UGP2: variants seen among roughly 807,000 people sequenced by gnomAD.
UGP2 encodes UTP--glucose-1-phosphate uridylyltransferase.
A neutral mutation model predicts 49.0 loss-of-function variants in UGP2; 40 were observed. The ratio of observed to expected loss-of-function variants is 0.82; its 90% CI spans 0.63 to 1.06. The LOEUF (loss-of-function observed/expected upper bound fraction) is 1.06, where lower values mean the gene tolerates loss of function less well. Ranked by LOEUF, UGP2 falls within the 50% of genes least tolerant of loss-of-function variation. The pLI, the probability that UGP2 is intolerant of heterozygous loss-of-function variation, is 0.00. For missense variants in UGP2, 460 were observed against 603.5 expected, an observed-to-expected ratio of 0.76 and a Z score of 2.49; for synonymous variants, 225 against 213.0, an observed-to-expected ratio of 1.06 and a Z score of -0.49.
chr2:63,874,185 A>G (rs1454245363), intron 3 of UGP2, among the ~76,000 whole-genome samples: 1 of 152,202 alleles, frequency 6.6e-6, no homozygotes, highest in Non-Finnish European at 1.5e-5. Flanking sequence ...GGGGAAAAAA[A>G]TGATGTTGGG....
In UGP2 at chr2:63,891,279, A is replaced by G; in HGVS notation, c.*52A>G. ...TAATGGGCTAGTTTCTTACAATGAA[A>G]TGTTCTCTAGGATTCTAAAATAGGC... On this transcript the variant is annotated 3_prime_UTR_variant, in exon 10 of 10. Coordinates refer to ENST00000337130, the MANE Select transcript of UGP2 (RefSeq NM_006759.4). 6.7e-7 allele frequency: 1 copy of G among 1,483,724 alleles called. No homozygotes were observed. The highest frequency in any genetic ancestry group is 9.4e-7 in the Non-Finnish European group (1 of 1,065,820). The allele number at this position is 1,483,724 out of a possible 1,614,324, so 91.9% of individuals were successfully genotyped here.
chr2:63,858,066 T>C, intron 3 of UGP2, 130 bp downstream of exon 3: 1 of 780,382 alleles, frequency 1.3e-6, no homozygotes, highest in South Asian at 1.7e-5. Flanking sequence ...TTGAATTCTC[T>C]GACCCCTCAT....
At chr2:63,859,414 A>G (rs1009351526) in intron 3 of UGP2, among the ~76,000 whole-genome samples, 4 of 152,140 alleles carry the variant, frequency 2.6e-5, no homozygotes, top group African/African-American at 7.2e-5. Flanking sequence ...ATTATGTTCA[A>G]TATATTTTAG....
At chr2:63,873,340 G>A (rs1159698196) in intron 3 of UGP2, among the ~76,000 whole-genome samples, 1 of 152,168 alleles carries the variant, frequency 6.6e-6, no homozygotes, top group Non-Finnish European at 1.5e-5. Context: ...AACTTAGTTT[G>A]GAGAGAGGTA....
intron 3 of UGP2, among the ~76,000 whole-genome samples, chr2:63,863,565 G>A (rs1669990372): frequency 6.6e-6 from 1 of 152,154 alleles, no homozygotes; most frequent in Non-Finnish European, 1.5e-5. Flanking sequence ...TAACACATGA[G>A]CATTGAATAA....
intron 3 of UGP2, among the ~76,000 whole-genome samples, chr2:63,873,012 AG>A (rs1670662848): frequency 6.6e-6 from 1 of 152,204 alleles, no homozygotes; most frequent in South Asian, 2.1e-4. Flanking sequence ...CCTTACATCC[AG>A]GATGGTGCAA....
At chr2:63,856,209 T>G (rs1669405809) in intron 1 of UGP2, 97 bp from the exon 2 acceptor site, 8 of 1,479,558 alleles carry the variant, frequency 5.4e-6, no homozygotes, top group Non-Finnish European at 7.2e-6. Context: ...ATTGAGCCCT[T>G]TTCATTTGCT....
chr2:63,856,211 T>C, intron 1 of UGP2, 95 bp from the exon 2 acceptor site: 1 of 1,484,814 alleles, frequency 6.7e-7, no homozygotes, highest in Non-Finnish European at 9.0e-7. Context: ...TGAGCCCTTT[T>C]CATTTGCTGA....
intron 3 of UGP2, among the ~76,000 whole-genome samples, chr2:63,866,505 G>A (rs1284728367): frequency 1.3e-5 from 2 of 152,120 alleles, no homozygotes; most frequent in East Asian, 3.9e-4. Flanking sequence ...AAGGATAAGA[G>A]GTAATGTTAG....
intron 1 of UGP2, among the ~76,000 whole-genome samples, chr2:63,846,712 A>G (rs1434971489): frequency 6.6e-6 from 1 of 152,204 alleles, no homozygotes; most frequent in African/African-American, 2.4e-5. Context: ...GAATACAGAG[A>G]TGAGAAGCAT....
intron 3 of UGP2, among the ~76,000 whole-genome samples, chr2:63,863,732 C>G (rs1387432457): frequency 3.3e-5 from 5 of 152,108 alleles, no homozygotes; most frequent in East Asian, 3.9e-4. Context: ...AAAATTCCCA[C>G]TGAGTCAAAG....
chr2:63,846,261 G>A (rs1247352839), intron 1 of UGP2: 1 of 152,154 alleles, frequency 6.6e-6, no homozygotes, highest in African/African-American at 2.4e-5. Context: ...ATCAGCAGCT[G>A]TGGGTTTTTG....
chr2:63,880,614 T>C (rs536601572), intron 3 of UGP2, among the ~76,000 whole-genome samples: 1 of 152,340 alleles, frequency 6.6e-6, no homozygotes, highest in South Asian at 2.1e-4. Flanking sequence ...TAAGCAATAT[T>C]ACCAGTTTCT....
chr2:63,863,325 CCA>C (rs1441764487), intron 3 of UGP2, among the ~76,000 whole-genome samples: 1 of 152,122 alleles, frequency 6.6e-6, no homozygotes, highest in Non-Finnish European at 1.5e-5. Context: ...CCATCTGTAA[CCA>C]CAGTGTTTTA....
At chr2:63,883,218 A>G (rs1454144379) in intron 4 of UGP2, 1 of 152,222 alleles carries the variant, frequency 6.6e-6, no homozygotes, top group Non-Finnish European at 1.5e-5. Context: ...TCCACCAAGT[A>G]TTATTCTGAG....
At chr2:63,868,370 C>T (rs1031659951) in intron 3 of UGP2, among the ~76,000 whole-genome samples, 1 of 152,104 alleles carries the variant, frequency 6.6e-6, no homozygotes, top group Non-Finnish European at 1.5e-5. Flanking sequence ...ATGGCAAAAC[C>T]TTGGAAATGT....
At chr2:63,861,701 A>C (rs906559452) in intron 3 of UGP2, among the ~76,000 whole-genome samples, 47 of 151,650 alleles carry the variant, frequency 3.1e-4, no homozygotes, top group Non-Finnish European at 5.7e-4. Context: ...AAAAAAAAAA[A>C]AACAAAAAAA....
At chr2:63,856,979 A>G (rs1056871829) in intron 2 of UGP2, 3 of 375,182 alleles carry the variant, frequency 8.0e-6, no homozygotes, top group Non-Finnish European at 1.6e-5. Context: ...ATTAATTTTC[A>G]TTGAGAAGTA....
chr2:63,888,782 C>T (rs573012596), intron 8 of UGP2: 4 of 152,282 alleles, frequency 2.6e-5, no homozygotes, highest in Admixed American at 1.3e-4. Flanking sequence ...GGCTGGCAAT[C>T]CTTTTTTTCC....
Sources: allele counts gnomAD v4.1 joint callset (sites outside exome capture counted in the v4.1 genomes callset), GRCh38; gene constraint gnomAD v4.1.1; transcripts MANE v1.5; gene names NCBI Gene and HGNC (gene_info 2026-07-23, HGNC 2026-07-21).